The following PSMG4 variants were observed in gnomAD, a reference collection of about 807,000 sequenced individuals.
PSMG4 encodes proteasome (prosome, macropain) assembly chaperone 4.
A neutral mutation model predicts 11.0 loss-of-function variants in PSMG4; 10 were observed. That is an observed-to-expected ratio of 0.91 (90% CI 0.56 to 1.54). The LOEUF (loss-of-function observed/expected upper bound fraction) is 1.54. PSMG4 is among the 40% of genes most tolerant of loss of function. The pLI is 0.00. For missense variants in PSMG4, 198 were observed against 160.9 expected, an observed-to-expected ratio of 1.23 and a Z score of -1.25; for synonymous variants, 95 against 71.3, an observed-to-expected ratio of 1.33 and a Z score of -1.68.
intron 1 of PSMG4, among the ~76,000 whole-genome samples, chr6:3,263,045 G>C (rs548793729): frequency 6.6e-6 from 1 of 152,164 alleles, no homozygotes; most frequent in Non-Finnish European, 1.5e-5. Flanking sequence ...CCCATTTGTT[G>C]ATCTGAGAAT....
chr6:3,264,052 C>T, intron 2 of PSMG4: 1 of 1,398,422 alleles, frequency 7.2e-7, no homozygotes, highest in Non-Finnish European at 9.5e-7. Flanking sequence ...AAGTGCATCA[C>T]CACCTCCTGG....
chr6:3,263,871 C>T, intron 2 of PSMG4, 112 bp downstream of exon 2: 3 of 1,474,652 alleles, frequency 2.0e-6, no homozygotes, highest in Admixed American at 2.5e-5. Context: ...AGAACCATCA[C>T]CTCATTGCTG....
intron 1 of PSMG4, among the ~76,000 whole-genome samples, chr6:3,262,966 A>G (rs1475151617): frequency 4.6e-5 from 7 of 152,136 alleles, no homozygotes; most frequent in Non-Finnish European, 7.4e-5. Context: ...GGGACTAGCT[A>G]GACATTGTTA....
upstream of PSMG4, chr6:3,255,333 G>A (rs964410960): frequency 2.7e-6 from 4 of 1,481,648 alleles, no homozygotes; most frequent in Admixed American, 4.7e-5. Flanking sequence ...GCAACTGGTG[G>A]AGTCATTCTA....
intron 1 of PSMG4, among the ~76,000 whole-genome samples, chr6:3,260,745 A>G (rs1184079967): frequency 6.6e-6 from 1 of 152,200 alleles, no homozygotes; most frequent in Non-Finnish European, 1.5e-5. Flanking sequence ...GGGAGACACA[A>G]TTCAGGCCAC....
intron 2 of PSMG4, 194 bp from the exon 3 acceptor site, chr6:3,267,397 G>A: frequency 2.2e-6 from 1 of 454,916 alleles, no homozygotes; most frequent in Non-Finnish European, 3.8e-6. Flanking sequence ...GTCTGGTGGA[G>A]AGACTGGGAG....
chr6:3,262,792 G>GGTTGT (rs10622830), intron 1 of PSMG4, among the ~76,000 whole-genome samples: 1 of 141,762 alleles, frequency 7.1e-6, no homozygotes, highest in African/African-American at 2.9e-5. Flanking sequence ...ACCAATAAGT[G>GGTTGT]TTTTTTTTTT....
chr6:3,255,612 C>T (rs1757736063), upstream of PSMG4, among the ~76,000 whole-genome samples: 1 of 152,192 alleles, frequency 6.6e-6, no homozygotes, highest in African/African-American at 2.4e-5. Context: ...GGCAGAAGTG[C>T]AGCTGTCATC....
chr6:3,267,583 C>CT lies in PSMG4; in HGVS notation c.251-3dup. Reference sequence around the variant, plus strand: ...GAGTGGCTGTATCAATGTGTTTTCTCTTTTTAGCCAGGAAGACCAACAAAC... The same window carrying CT: ...GAGTGGCTGTATCAATGTGTTTTCTCTTTTTTAGCCAGGAAGACCAACAAAC... On this transcript the variant is annotated splice_polypyrimidine_tract_variant and splice_region_variant and intron_variant, in intron 2 of 2. Coordinates refer to ENST00000438998, the MANE Select transcript of PSMG4 (RefSeq NM_001128591.2). 1 of 1,551,088 alleles carries CT rather than the reference C, an allele frequency of 6.4e-7. No individual in the cohort carries two copies. Among genetic ancestry groups the CT allele is most frequent in the Non-Finnish European group, 8.7e-7 (1 of 1,146,646 alleles).
At chr6:3,255,275 A>G, upstream of PSMG4, 4 of 1,542,854 alleles carry the variant, frequency 2.6e-6, no homozygotes, top group South Asian at 3.6e-5. Flanking sequence ...CGGCTGTCTT[A>G]CGGGTCTATC....
chr6:3,255,810 G>C (rs533284536), upstream of PSMG4, among the ~76,000 whole-genome samples: 43 of 152,352 alleles, frequency 2.8e-4, no homozygotes, highest in African/African-American at 9.6e-4. Context: ...ACAGGGCAGA[G>C]ATTAGAATTG....
At chr6:3,257,374 T>A (rs1417604631), upstream of PSMG4, among the ~76,000 whole-genome samples, 1 of 152,190 alleles carries the variant, frequency 6.6e-6, no homozygotes, top group Admixed American at 6.5e-5. Flanking sequence ...TTGAGACATG[T>A]ATAACCAGTG....
At chr6:3,261,862 T>C (rs2127260067) in intron 1 of PSMG4, among the ~76,000 whole-genome samples, 1 of 152,298 alleles carries the variant, frequency 6.6e-6, no homozygotes, top group East Asian at 1.9e-4. Context: ...TGAGCAGTTG[T>C]AATAGAGACT....
upstream of PSMG4, chr6:3,258,846 A>T (rs1229415691): frequency 1.9e-6 from 1 of 528,804 alleles, no homozygotes; most frequent in Non-Finnish European, 2.9e-6. Context: ...CGCCTCGACC[A>T]CGCCCCCAAC....
upstream of PSMG4, among the ~76,000 whole-genome samples, chr6:3,257,665 C>T (rs1050744971): frequency 6.6e-6 from 1 of 152,104 alleles, no homozygotes; most frequent in Non-Finnish European, 1.5e-5. Context: ...CTGTGTGATT[C>T]CACTGATACA....
upstream of PSMG4, among the ~76,000 whole-genome samples, chr6:3,258,066 A>G (rs1757826055): frequency 1.3e-5 from 1 of 74,392 alleles, no homozygotes; most frequent in African/African-American, 2.8e-5. Context: ...ATCTGACAAA[A>G]TGGGCTGTTT....
chr6:3,263,270 C>T (rs897609933), intron 1 of PSMG4, among the ~76,000 whole-genome samples: 2 of 152,256 alleles, frequency 1.3e-5, no homozygotes, highest in Non-Finnish European at 2.9e-5. Context: ...GCCTCTGAGC[C>T]AGCTGCTGTG....
chr6:3,258,633 T>C (rs1363841967), upstream of PSMG4, among the ~76,000 whole-genome samples: 3 of 152,072 alleles, frequency 2.0e-5, no homozygotes. Flanking sequence ...AGCCCTTGAA[T>C]GCCCCGCGTC....
chr6:3,255,973 C>T (rs4997731), upstream of PSMG4, among the ~76,000 whole-genome samples: 103,707 of 151,952 alleles, frequency 0.68, 38,642 homozygotes, highest in Non-Finnish European at 0.83. Flanking sequence ...GCAAAGATTC[C>T]ACATCTGCTA....
Sources: gnomAD v4.1 joint callset for allele counts (sites outside exome capture counted in the v4.1 genomes callset) on GRCh38, gnomAD v4.1.1 for gene constraint, MANE v1.5 for transcripts, NCBI Gene and HGNC (gene_info 2026-07-23, HGNC 2026-07-21) for gene names.